VIPR2: variants seen among roughly 807,000 people sequenced by gnomAD.
VIPR2 encodes vasoactive intestinal polypeptide receptor 2.
VIPR2 carries 48 observed loss-of-function variants against 58.0 expected under a neutral mutation model. The observed-to-expected ratio is 0.83, with a 90% CI of 0.66 to 1.05. The LOEUF (loss-of-function observed/expected upper bound fraction) is 1.05. Ranked by LOEUF, VIPR2 falls within the 50% of genes least tolerant of loss-of-function variation. VIPR2 has a pLI of 0.00. For missense variants in VIPR2, 534 were observed against 558.0 expected (o/e 0.96, Z 0.43); for synonymous variants, 243 against 235.2 (o/e 1.03, Z -0.30).
chr7:159,143,902 G>C (rs1169981031), intron 1 of VIPR2, among the ~76,000 whole-genome samples: 2 of 152,364 alleles, frequency 1.3e-5, no homozygotes, highest in East Asian at 1.9e-4. Context: ...CTCCGCGCAA[G>C]GCCAGGGAGT....
chr7:159,141,140 G>A (rs1257558364), intron 2 of VIPR2, among the ~76,000 whole-genome samples: 2 of 152,188 alleles, frequency 1.3e-5, no homozygotes, highest in Non-Finnish European at 2.9e-5. Context: ...CCATGGCCAC[G>A]CTGCTGCTTC....
At chr7:159,069,028 T>G (rs1381046566) in intron 4 of VIPR2, among the ~76,000 whole-genome samples, 3 of 152,176 alleles carry the variant, frequency 2.0e-5, no homozygotes, top group Non-Finnish European at 4.4e-5. Flanking sequence ...ACTACGGCCT[T>G]AGGCTTCACT....
chr7:159,063,705 G>A (rs899296544), intron 4 of VIPR2, among the ~76,000 whole-genome samples: 2 of 149,818 alleles, frequency 1.3e-5, no homozygotes, highest in African/African-American at 4.9e-5. Context: ...AGGGGTCTTG[G>A]GGGGATCTGG....
intron 4 of VIPR2, among the ~76,000 whole-genome samples, chr7:159,094,728 C>T (rs1233601220): frequency 1.3e-5 from 2 of 152,206 alleles, no homozygotes; most frequent in Non-Finnish European, 2.9e-5. Context: ...GACTCCATGC[C>T]GTGCCACACA....
intron 2 of VIPR2, 143 bp from the exon 3 acceptor site, chr7:159,110,062 G>A (rs1795932933): frequency 2.7e-6 from 2 of 734,922 alleles, no homozygotes; most frequent in Middle Eastern, 3.7e-4. Flanking sequence ...ACTATAGTTA[G>A]CTTGTGGGTT....
At chr7:159,030,931 A>C in intron 12 of VIPR2, 142 bp from the exon 13 acceptor site, 1 of 1,181,912 alleles carries the variant, frequency 8.5e-7, no homozygotes, top group Non-Finnish European at 1.1e-6. Context: ...AGAAACAGAA[A>C]CGGCCTTGGG....
At chr7:159,092,879 C>G (rs528747683) in intron 4 of VIPR2, among the ~76,000 whole-genome samples, 8 of 152,094 alleles carry the variant, frequency 5.3e-5, no homozygotes, top group Non-Finnish European at 1.0e-4. Flanking sequence ...GGGCCTGGTG[C>G]TGGGCAGCAG....
intron 5 of VIPR2, among the ~76,000 whole-genome samples, chr7:159,053,124 T>C (rs934165635): frequency 1.3e-5 from 2 of 152,132 alleles, no homozygotes; most frequent in Non-Finnish European, 2.9e-5. Flanking sequence ...TTTTTTTTCT[T>C]TTTCCTTCTA....
chr7:159,130,174 T>C (rs1228525591), intron 2 of VIPR2, among the ~76,000 whole-genome samples: 2 of 152,244 alleles, frequency 1.3e-5, no homozygotes, highest in Admixed American at 6.5e-5. Flanking sequence ...ATCTTGACTT[T>C]AGATGCCCTC....
At chr7:159,038,952 G>T (rs1248090606) in intron 6 of VIPR2, among the ~76,000 whole-genome samples, 1 of 152,106 alleles carries the variant, frequency 6.6e-6, no homozygotes, top group Non-Finnish European at 1.5e-5. Flanking sequence ...TGTTTTAGAG[G>T]GCCGGAACAG....
intron 3 of VIPR2, among the ~76,000 whole-genome samples, chr7:159,108,524 A>G (rs914200723): frequency 6.6e-5 from 10 of 152,170 alleles, no homozygotes; most frequent in African/African-American, 1.9e-4. Context: ...CCTGCTTGGG[A>G]AAAAGGTGGA....
At chr7:159,100,602 C>A (rs571815839) in intron 4 of VIPR2, among the ~76,000 whole-genome samples, 1 of 152,370 alleles carries the variant, frequency 6.6e-6, no homozygotes, top group East Asian at 1.9e-4. Flanking sequence ...GTGTCCCCGC[C>A]CAAATCTCAT....
intron 4 of VIPR2, among the ~76,000 whole-genome samples, chr7:159,061,425 C>A (rs1855644596): frequency 6.6e-6 from 1 of 150,984 alleles, no homozygotes. Context: ...GGTGGGAGGA[C>A]TGCTTGCTCC....
Position 159,126,742 on chromosome 7 carries a change from G to A in VIPR2, c.151+15704C>T, listed in dbSNP as rs557199357. On this transcript the variant is annotated intron_variant, in intron 2 of 12. Coordinates refer to ENST00000262178, the MANE Select transcript of VIPR2 (RefSeq NM_003382.5). ...AGAGGCAGAAACCAGGCAAGACACC[G>A]TCCAACCATCAGGCTGCTCTTGATG... is the stretch of plus-strand genomic sequence containing the variant. 2.6e-5 allele frequency among the ~76,000 whole-genome samples: 4 copies of A among 152,298 alleles called. No individual in the cohort carries two copies. The South Asian group carries it at 6.2e-4, about 24-fold the overall frequency.
intron 6 of VIPR2, among the ~76,000 whole-genome samples, chr7:159,039,596 A>AATGG (rs1854190405): frequency 3.1e-5 from 1 of 31,994 alleles, no homozygotes; most frequent in East Asian, 1.2e-3. Context: ...GGAGGGTGTT[A>AATGG]GTGGGTGGCG....
At chr7:159,056,437 A>G (rs1855332723) in intron 5 of VIPR2, among the ~76,000 whole-genome samples, 1 of 152,190 alleles carries the variant, frequency 6.6e-6, no homozygotes, top group African/African-American at 2.4e-5. Context: ...TGGACCATGC[A>G]GTTCAAACCC....
chr7:159,038,644 T>C (rs1854124197), intron 6 of VIPR2, among the ~76,000 whole-genome samples: 1 of 152,138 alleles, frequency 6.6e-6, no homozygotes, highest in Non-Finnish European at 1.5e-5. Flanking sequence ...GCAACGTGCC[T>C]TCTTTTGTCT....
chr7:159,119,342 C>T (rs3793237), intron 2 of VIPR2, among the ~76,000 whole-genome samples: 23,332 of 152,170 alleles, frequency 0.15, 1,887 homozygotes, highest in Non-Finnish European at 0.17. Context: ...TCACAAGCAC[C>T]GCAAGGTAGA....
chr7:159,061,616 G>A (rs1328527385), intron 4 of VIPR2, among the ~76,000 whole-genome samples: 2 of 151,850 alleles, frequency 1.3e-5, no homozygotes, highest in East Asian at 3.9e-4. Flanking sequence ...TCACACCACT[G>A]CTCTCCAGCC....
Sources: gnomAD v4.1 joint callset for allele counts (sites outside exome capture counted in the v4.1 genomes callset) on GRCh38, gnomAD v4.1.1 for gene constraint, MANE v1.5 for transcripts, NCBI Gene and HGNC (gene_info 2026-07-23, HGNC 2026-07-21) for gene names.